Variants in CERS3 observed in about 807,000 individuals in gnomAD.
CERS3 encodes LAG1 homolog, ceramide synthase 3.
In CERS3, 33 loss-of-function variants were observed where a neutral mutation model predicts 50.3. The observed-to-expected ratio is 0.66, with a 90% CI of 0.50 to 0.88. The LOEUF is 0.88. Among genes scored for constraint, CERS3 ranks in the 40% least tolerant of loss-of-function variants. CERS3 has a pLI of 0.00. For missense variants in CERS3, 470 were observed against 460.3 expected, an observed-to-expected ratio of 1.02 and a Z score of -0.19; for synonymous variants, 176 against 155.2, an observed-to-expected ratio of 1.13 and a Z score of -0.99.
chr15:100,455,293 C>A, intron 11 of CERS3, among the ~76,000 whole-genome samples: 1 of 151,292 alleles, frequency 6.6e-6, no homozygotes, highest in Non-Finnish European at 1.5e-5. Flanking sequence ...ATGATAGACA[C>A]CAGATTGGGA....
At chr15:100,416,400 T>G (rs2031907213) in intron 11 of CERS3, among the ~76,000 whole-genome samples, 1 of 152,198 alleles carries the variant, frequency 6.6e-6, no homozygotes, top group African/African-American at 2.4e-5. Context: ...CCCTATTCAG[T>G]AAACAGTGCT....
At chr15:100,414,186 C>T (rs539909182) in intron 11 of CERS3, among the ~76,000 whole-genome samples, 1 of 152,062 alleles carries the variant, frequency 6.6e-6, no homozygotes, top group East Asian at 1.9e-4. Context: ...ACAATTGCTA[C>T]AAAGAGAATA....
upstream of CERS3, among the ~76,000 whole-genome samples, chr15:100,533,481 TC>T (rs2036991407): frequency 6.7e-6 from 1 of 150,346 alleles, no homozygotes; most frequent in African/African-American, 2.4e-5. Context: ...TTCATTGGGT[TC>T]TTTTCTTTTC....
intron 11 of CERS3, among the ~76,000 whole-genome samples, chr15:100,450,571 G>A (rs958814813): frequency 1.3e-5 from 2 of 152,032 alleles, no homozygotes; most frequent in African/African-American, 4.8e-5. Context: ...GACACTGTAA[G>A]GGAAACAACT....
At chr15:100,462,256 C>G (rs2034572518) in intron 10 of CERS3, among the ~76,000 whole-genome samples, 1 of 152,176 alleles carries the variant, frequency 6.6e-6, no homozygotes, top group African/African-American at 2.4e-5. Flanking sequence ...TCAGCTTTTT[C>G]TGTTTTCAGT....
intron 11 of CERS3, among the ~76,000 whole-genome samples, chr15:100,440,425 C>A (rs895447556): frequency 3.3e-5 from 5 of 152,218 alleles, no homozygotes; most frequent in Non-Finnish European, 7.3e-5. Flanking sequence ...ACCCCCACTC[C>A]TGCCCACCAG....
intron 11 of CERS3, among the ~76,000 whole-genome samples, chr15:100,411,742 T>C (rs1436083807): frequency 1.3e-5 from 2 of 152,216 alleles, no homozygotes; most frequent in Non-Finnish European, 2.9e-5. Context: ...CCACAGTGAC[T>C]GTACCATTCA....
intron 5 of CERS3, among the ~76,000 whole-genome samples, chr15:100,483,781 A>ATTTTTTTTTTTTTTTTT (rs1267906519): frequency 5.2e-5 from 4 of 77,654 alleles, no homozygotes; most frequent in East Asian, 3.6e-4. Context: ...AATAATTATT[A>ATTTTTTTTTTTTTTTTT]TTATTATTTT....
At chr15:100,439,938 T>C (rs1167374848) in intron 11 of CERS3, among the ~76,000 whole-genome samples, 1 of 152,170 alleles carries the variant, frequency 6.6e-6, no homozygotes, top group African/African-American at 2.4e-5. Context: ...CCTGCTGGGT[T>C]TCTAATCAGG....
chr15:100,452,302 TATAAATCAATA>T (rs1205421629), intron 11 of CERS3, among the ~76,000 whole-genome samples: 1 of 152,114 alleles, frequency 6.6e-6, no homozygotes, highest in Admixed American at 6.6e-5. Flanking sequence ...GGATTAGAAC[TATAAATCAATA>T]ATAAGAGAAA....
At chr15:100,543,380 T>C (rs1257601002) in intron 1 of CERS3, among the ~76,000 whole-genome samples, 1 of 152,174 alleles carries the variant, frequency 6.6e-6, no homozygotes, top group African/African-American at 2.4e-5. Flanking sequence ...TTTGTTCTCA[T>C]TTCAGGTGAT....
At position 100,455,996 on chromosome 15, in the gene CERS3, A is replaced by G; in HGVS notation, c.896T>C (p.Phe299Ser). 6.2e-7 allele frequency: 1 copy of G among 1,613,422 alleles called. No individual in the cohort carries two copies. Among genetic ancestry groups the G allele is most frequent in the Non-Finnish European group, 8.5e-7 (1 of 1,179,608 alleles). Residue 299 changes from phenylalanine (F) to serine (S), a missense_variant, in exon 11 of 12, where the codon TTT (phenylalanine) becomes TCT (serine). Coordinates refer to ENST00000679737, the MANE Select transcript of CERS3 (RefSeq NM_001378789.1). Reference protein sequence around the residue: ...ILPMYHLEPFFSYIFLNLQLM... With the variant: ...ILPMYHLEPFSSYIFLNLQLM... ...CTGTAGGTTGAGGAAGATGTATGAA[A>G]AGAAAGGCTCGAGGTGATACATAGG...
chr15:100,499,319 T>C (rs941829989), intron 3 of CERS3, among the ~76,000 whole-genome samples: 7 of 152,120 alleles, frequency 4.6e-5, no homozygotes, highest in African/African-American at 1.2e-4. Flanking sequence ...ATAAACTAAT[T>C]AGAAACTAGT....
intron 3 of CERS3, 45 bp downstream of exon 3, chr15:100,501,632 G>C: frequency 6.7e-7 from 1 of 1,503,104 alleles, no homozygotes; most frequent in Non-Finnish European, 9.2e-7. Context: ...TCTAGTGTTA[G>C]AGCAAAGAGG....
At chr15:100,482,158 T>C (rs1020139463) in intron 5 of CERS3, among the ~76,000 whole-genome samples, 2 of 152,226 alleles carry the variant, frequency 1.3e-5, no homozygotes, top group Non-Finnish European at 2.9e-5. Flanking sequence ...AGATGAATGA[T>C]AATATCCTTG....
At chr15:100,477,460 GA>G (rs112245231) in intron 7 of CERS3, among the ~76,000 whole-genome samples, 14,320 of 151,952 alleles carry the variant, frequency 0.094, 928 homozygotes, top group African/African-American at 0.19. Context: ...TAAAAATCTG[GA>G]TAAAGGACAA....
At chr15:100,519,090 C>T (rs1327328583) in intron 2 of CERS3, among the ~76,000 whole-genome samples, 1 of 151,644 alleles carries the variant, frequency 6.6e-6, no homozygotes, top group Non-Finnish European at 1.5e-5. Flanking sequence ...ACCCGGAAGG[C>T]GGAGGTTGCA....
intron 10 of CERS3, among the ~76,000 whole-genome samples, chr15:100,463,303 C>T (rs1469939648): frequency 6.6e-6 from 1 of 151,768 alleles, no homozygotes; most frequent in Non-Finnish European, 1.5e-5. Flanking sequence ...GGTGTGGTGG[C>T]ATGCACTTGT....
intron 5 of CERS3, among the ~76,000 whole-genome samples, chr15:100,483,787 A>ATTATTTT (rs760594142): frequency 0.031 from 3,142 of 99,886 alleles, 178 homozygotes; most frequent in Non-Finnish European, 0.043. Context: ...TATTATTATT[A>ATTATTTT]TTTTTTTTTT....
Sources: gnomAD v4.1 joint callset for allele counts (sites outside exome capture counted in the v4.1 genomes callset) on GRCh38, gnomAD v4.1.1 for gene constraint, MANE v1.5 for transcripts, NCBI Gene and HGNC (gene_info 2026-07-23, HGNC 2026-07-21) for gene names.